The following PLXDC2 variants were observed in gnomAD, a reference collection of about 807,000 sequenced individuals.
PLXDC2 encodes the protein plexin domain-containing protein 2.
Under a neutral mutation model 68.9 loss-of-function variants are expected in PLXDC2, and 40 were observed. The observed-to-expected ratio is 0.58, with a 90% CI of 0.45 to 0.76. The LOEUF (loss-of-function observed/expected upper bound fraction) is 0.76, where lower values mean the gene tolerates loss of function less well. PLXDC2 is among the 30% of genes least tolerant of loss of function. PLXDC2 has a pLI of 0.00. For missense variants in PLXDC2, 644 were observed against 661.9 expected (o/e 0.97, Z 0.30); for synonymous variants, 243 against 234.2 (o/e 1.04, Z -0.34).
intron 12 of PLXDC2, among the ~76,000 whole-genome samples, chr10:20,225,636 C>A (rs1835276376): frequency 6.6e-6 from 1 of 152,166 alleles, no homozygotes; most frequent in Non-Finnish European, 1.5e-5. Flanking sequence ...TTTAGGATTT[C>A]TCTCCCAAAC....
chr10:20,145,862 G>GT (rs1197806400), intron 5 of PLXDC2, among the ~76,000 whole-genome samples: 2 of 152,064 alleles, frequency 1.3e-5, no homozygotes, highest in African/African-American at 4.8e-5. Context: ...CAACAGTGTG[G>GT]TTTTTAACAA....
chr10:20,252,902 C>T (rs575854086), intron 13 of PLXDC2, among the ~76,000 whole-genome samples: 2 of 152,100 alleles, frequency 1.3e-5, no homozygotes, highest in African/African-American at 4.8e-5. Flanking sequence ...CTTTTTTGAT[C>T]GCTTGAGCTC....
intron 9 of PLXDC2, among the ~76,000 whole-genome samples, chr10:20,207,156 C>T (rs1016036333): frequency 6.6e-6 from 1 of 152,080 alleles, no homozygotes; most frequent in African/African-American, 2.4e-5. Flanking sequence ...CTTGTTTTGC[C>T]ATTCTCAGTC....
At chr10:19,936,288 G>A (rs1833721954) in intron 1 of PLXDC2, among the ~76,000 whole-genome samples, 1 of 152,138 alleles carries the variant, frequency 6.6e-6, no homozygotes, top group African/African-American at 2.4e-5. Flanking sequence ...AATTCCAATA[G>A]GATAGATTGG....
At chr10:20,236,992 G>A (rs1835441046) in intron 12 of PLXDC2, among the ~76,000 whole-genome samples, 2 of 145,184 alleles carry the variant, frequency 1.4e-5, no homozygotes, top group African/African-American at 5.1e-5. Flanking sequence ...AAGGGATTAT[G>A]AGTTGTTGTT....
intron 1 of PLXDC2, among the ~76,000 whole-genome samples, chr10:19,884,643 G>A (rs1385391220): frequency 6.6e-6 from 1 of 152,108 alleles, no homozygotes; most frequent in Non-Finnish European, 1.5e-5. Flanking sequence ...TGAGAATGAT[G>A]ATTTCCAATT....
At chr10:20,162,698 G>C (rs1006876908) in intron 6 of PLXDC2, among the ~76,000 whole-genome samples, 5 of 151,932 alleles carry the variant, frequency 3.3e-5, no homozygotes, top group African/African-American at 1.2e-4. Flanking sequence ...ATAAGACTGG[G>C]AAACAGTATA....
At chr10:19,826,971 G>A (rs541990337) in intron 1 of PLXDC2, among the ~76,000 whole-genome samples, 1 of 152,172 alleles carries the variant, frequency 6.6e-6, no homozygotes, top group East Asian at 1.9e-4. Flanking sequence ...TACTTGTGTT[G>A]GTCTTAATTG....
At chr10:20,164,360 T>C (rs1403782362) in intron 6 of PLXDC2, 108 bp from the exon 7 acceptor site, 1 of 911,808 alleles carries the variant, frequency 1.1e-6, no homozygotes, top group Non-Finnish European at 1.7e-6. Flanking sequence ...TTCTAGTCTT[T>C]TATCTCCTTC....
In PLXDC2 at chr10:20,287,979, C is replaced by CGGGGGGGGGGGG. The variant is rs748974758; in HGVS notation, c.*8165_*8166insGGGGGGGGGGGG. ...AGAAGAAATTGGGCACTTCTTGCGGCGGGGGAGGGGGGGGGGGCGGTGGCT... is the reference window on the plus strand; with the variant it reads ...AGAAGAAATTGGGCACTTCTTGCGGCGGGGGGGGGGGGGGGGGAGGGGGGGGGGGCGGTGGCT... On this transcript the variant is annotated 3_prime_UTR_variant, in exon 14 of 14. Transcript: ENST00000377252. 4.0e-4 allele frequency: 5 copies of CGGGGGGGGGGGG among 12,388 alleles called. No individual in the cohort carries two copies. The highest frequency in any genetic ancestry group is 1.0e-3 in the African/African-American group (3 of 3,012). The allele number at this position is 12,388 out of a possible 1,614,324, so 0.8% of individuals were successfully genotyped here. A position where few individuals can be genotyped will look rare whatever the true frequency, so the allele number is the denominator to read the frequency against.
At chr10:19,822,684 AGAT>A (rs1261164170) in intron 1 of PLXDC2, among the ~76,000 whole-genome samples, 1 of 152,180 alleles carries the variant, frequency 6.6e-6, no homozygotes, top group African/African-American at 2.4e-5. Context: ...AGTAGGTGTG[AGAT>A]GATACCTTAT....
At chr10:20,162,824 G>A (rs964333075) in intron 6 of PLXDC2, among the ~76,000 whole-genome samples, 4 of 151,042 alleles carry the variant, frequency 2.6e-5, no homozygotes, top group Non-Finnish European at 5.9e-5. Context: ...AGCACTTTGG[G>A]AGGCTGAGGT....
At chr10:20,054,629 C>A (rs563126604) in intron 3 of PLXDC2, among the ~76,000 whole-genome samples, 1 of 151,984 alleles carries the variant, frequency 6.6e-6, no homozygotes, top group East Asian at 1.9e-4. Flanking sequence ...CGCATGTTCT[C>A]ACTCATAGGT....
chr10:20,146,955 A>G (rs917986139), intron 5 of PLXDC2, among the ~76,000 whole-genome samples: 1 of 152,202 alleles, frequency 6.6e-6, no homozygotes, highest in Non-Finnish European at 1.5e-5. Context: ...CTAACCAAAC[A>G]GAAAAATCTA....
At chr10:20,110,352 A>C (rs1833543589) in intron 4 of PLXDC2, among the ~76,000 whole-genome samples, 1 of 152,130 alleles carries the variant, frequency 6.6e-6, no homozygotes, top group East Asian at 1.9e-4. Context: ...GACAGACAGT[A>C]CCACTTAACA....
intron 3 of PLXDC2, among the ~76,000 whole-genome samples, chr10:20,062,179 A>C (rs2131700184): frequency 6.6e-6 from 1 of 152,326 alleles, no homozygotes; most frequent in South Asian, 2.1e-4. Flanking sequence ...TAATCCCAGC[A>C]CTTTGGGAGG....
intron 5 of PLXDC2, among the ~76,000 whole-genome samples, chr10:20,145,239 C>T (rs1001030611): frequency 1.3e-5 from 2 of 152,152 alleles, no homozygotes; most frequent in African/African-American, 4.8e-5. Flanking sequence ...CCATAGGAAT[C>T]AAATATTGAG....
chr10:20,246,738 A>G (rs1447184021), intron 13 of PLXDC2, among the ~76,000 whole-genome samples: 2 of 152,190 alleles, frequency 1.3e-5, no homozygotes, highest in Non-Finnish European at 1.5e-5. Flanking sequence ...AATAAAAGAA[A>G]TCTTCTCTTG....
intron 1 of PLXDC2, among the ~76,000 whole-genome samples, chr10:19,946,610 C>T (rs917015377): frequency 5.3e-5 from 8 of 151,498 alleles, no homozygotes; most frequent in African/African-American, 1.2e-4. Context: ...CACCAGAGAC[C>T]GATTTTGTGA....
Sources: gnomAD v4.1 joint callset for allele counts (sites outside exome capture counted in the v4.1 genomes callset) on GRCh38, gnomAD v4.1.1 for gene constraint, MANE v1.5 for transcripts, NCBI Gene and HGNC (gene_info 2026-07-23, HGNC 2026-07-21) for gene names.